TENM1: variants seen among roughly 807,000 people sequenced by gnomAD.
TENM1 encodes teneurin-1.
Under a neutral mutation model 174.8 loss-of-function variants are expected in TENM1, and 35 were observed. The ratio of observed to expected loss-of-function variants is 0.20; its 90% CI spans 0.15 to 0.27. The LOEUF is 0.27. Ranked by LOEUF, TENM1 falls within the 10% of genes least tolerant of loss-of-function variation. TENM1 has a pLI of 1.00. For synonymous variants in TENM1, 781 were observed against 798.7 expected, an observed-to-expected ratio of 0.98 and a Z score of 0.37; for missense variants, 1,633 against 2,130.1, an observed-to-expected ratio of 0.77 and a Z score of 4.59.
intron 1 of TENM1, among the ~76,000 whole-genome samples, chrX:124,962,353 T>C (rs1261850237): frequency 1.8e-5 from 2 of 111,430 alleles, no homozygotes; most frequent in South Asian, 3.8e-4. Context: ...AAACCACAAA[T>C]GGGTCCCACC....
intron 23 of TENM1, among the ~76,000 whole-genome samples, chrX:124,429,077 A>G (rs142794194): frequency 8.1e-5 from 9 of 111,398 alleles, no homozygotes; most frequent in African/African-American, 2.3e-4. Flanking sequence ...TATAAAAATT[A>G]CCTGAGAAAA....
chrX:124,939,964 C>T (rs765406675), intron 1 of TENM1, among the ~76,000 whole-genome samples: 3 of 111,977 alleles, frequency 2.7e-5, no homozygotes, highest in South Asian at 3.7e-4. Context: ...TCTCTCCTTA[C>T]TAGAGTATAA....
intron 18 of TENM1, among the ~76,000 whole-genome samples, chrX:124,507,366 T>A (rs986567767): frequency 1.8e-5 from 2 of 111,560 alleles, no homozygotes; most frequent in African/African-American, 6.5e-5. Flanking sequence ...CCTTCCTGTA[T>A]TCTCTCCTTC....
intron 3 of TENM1, among the ~76,000 whole-genome samples, chrX:124,842,886 A>G (rs1486922466): frequency 9.0e-6 from 1 of 111,449 alleles, no homozygotes; most frequent in Non-Finnish European, 1.9e-5. Flanking sequence ...CCCAAAGGTC[A>G]GAGTACAAGG....
intron 23 of TENM1, among the ~76,000 whole-genome samples, chrX:124,448,904 A>T (rs760372665): frequency 3.6e-5 from 4 of 112,033 alleles, no homozygotes; most frequent in African/African-American, 1.3e-4. Flanking sequence ...GATTTGGACC[A>T]GCAGAGGTAC....
At chrX:124,890,327 G>A (rs934312533) in intron 3 of TENM1, among the ~76,000 whole-genome samples, 5 of 111,315 alleles carry the variant, frequency 4.5e-5, no homozygotes, top group Non-Finnish European at 7.5e-5. Context: ...CTGCTGAGGG[G>A]TACCCTAATC....
At chrX:124,412,656 C>A (rs1366249140) in intron 25 of TENM1, among the ~76,000 whole-genome samples, 1 of 112,487 alleles carries the variant, frequency 8.9e-6, no homozygotes, top group African/African-American at 3.2e-5. Context: ...CTAATAAATT[C>A]CTTTGGCTTC....
the TENM1 span, among the ~76,000 whole-genome samples, chrX:125,122,981 A>G: frequency 1.8e-5 from 2 of 111,858 alleles, no homozygotes; most frequent in Non-Finnish European, 3.8e-5. Context: ...ATGCAATTAT[A>G]TCACAAGATT....
chrX:124,952,710 T>C (rs758538472), intron 1 of TENM1, among the ~76,000 whole-genome samples: 1 of 111,568 alleles, frequency 9.0e-6, no homozygotes, highest in East Asian at 2.8e-4. Flanking sequence ...TTAAATTTCA[T>C]GAAAGGTTTG....
chrX:125,033,024 A>C, the TENM1 span, among the ~76,000 whole-genome samples: 1 of 111,727 alleles, frequency 9.0e-6, no homozygotes, highest in African/African-American at 3.3e-5. Context: ...AAAGGTGTGG[A>C]GGTAACTTCG....
the TENM1 span, among the ~76,000 whole-genome samples, chrX:124,980,107 C>T: frequency 9.0e-6 from 1 of 111,274 alleles, no homozygotes; most frequent in African/African-American, 3.3e-5. Context: ...CTTGGTGGCT[C>T]ACACTTATAA....
At chrX:124,787,208 A>T (rs866694960) in intron 3 of TENM1, among the ~76,000 whole-genome samples, 1 of 111,960 alleles carries the variant, frequency 8.9e-6, no homozygotes. Context: ...TGAGGTCATC[A>T]GCTATAGTAC....
chrX:124,821,991 C>T (rs1247779335), intron 3 of TENM1, among the ~76,000 whole-genome samples: 1 of 111,956 alleles, frequency 8.9e-6, no homozygotes, highest in Non-Finnish European at 1.9e-5. Context: ...GGGGCAGAGA[C>T]TATTAGCTAT....
chrX:124,498,206 C>T (rs1051453479), intron 19 of TENM1, among the ~76,000 whole-genome samples: 1 of 111,280 alleles, frequency 9.0e-6, no homozygotes, highest in African/African-American at 3.3e-5. Flanking sequence ...ATTCTTGAAA[C>T]CTGATTAATC....
chrX:125,121,701 A>AAATTTAAAAAT, the TENM1 span, among the ~76,000 whole-genome samples: 1 of 112,116 alleles, frequency 8.9e-6, no homozygotes, highest in Admixed American at 9.5e-5. Context: ...AGGTTGACTC[A>AAATTTAAAAAT]GTTGTAAACA....
chrX:125,099,705 A>AT, the TENM1 span, among the ~76,000 whole-genome samples: 6,313 of 111,230 alleles, frequency 0.057, 171 homozygotes, highest in Middle Eastern at 0.14. Flanking sequence ...CATATCAGAA[A>AT]CTTTTTAAAG....
At chrX:124,545,348 C>T (rs890764711) in intron 15 of TENM1, among the ~76,000 whole-genome samples, 1 of 112,115 alleles carries the variant, frequency 8.9e-6, no homozygotes, top group African/African-American at 3.2e-5. Context: ...AGCTAAACCG[C>T]AGGGATTTAA....
intron 15 of TENM1, among the ~76,000 whole-genome samples, chrX:124,538,312 A>G (rs943598776): frequency 9.0e-6 from 1 of 111,675 alleles, no homozygotes; most frequent in Non-Finnish European, 1.9e-5. Context: ...CAACAACTTC[A>G]GAGGTGATAA....
chrX:124,558,317 A>T (rs2048738025), intron 14 of TENM1, among the ~76,000 whole-genome samples: 1 of 111,923 alleles, frequency 8.9e-6, no homozygotes, highest in South Asian at 3.7e-4. Flanking sequence ...ATGCAAAAAA[A>T]TTCCACCATT....
Sources: gnomAD v4.1 joint callset for allele counts (sites outside exome capture counted in the v4.1 genomes callset) on GRCh38, gnomAD v4.1.1 for gene constraint, MANE v1.5 for transcripts, NCBI Gene and HGNC (gene_info 2026-07-23, HGNC 2026-07-21) for gene names.